HMCN1: variants seen among roughly 807,000 people sequenced by gnomAD.
HMCN1 encodes the protein hemicentin-1.
Under a neutral mutation model 625.9 loss-of-function variants are expected in HMCN1, and 321 were observed. The observed-to-expected ratio is 0.51, with a 90% CI of 0.47 to 0.56. HMCN1 has a LOEUF of 0.56. HMCN1 is among the 20% of genes least tolerant of loss of function. HMCN1 has a pLI of 0.00. For missense variants in HMCN1, 6,588 were observed against 6,887.3 expected, an observed-to-expected ratio of 0.96 and a Z score of 1.54; for synonymous variants, 2,425 against 2,417.6, an observed-to-expected ratio of 1.00 and a Z score of -0.09.
chr1:185,993,522 TA>T lies in HMCN1; in HGVS notation c.3505+216del, dbSNP rs529977817. On this transcript the variant is annotated intron_variant, in intron 23 of 106. Coordinates refer to ENST00000271588, the MANE Select transcript of HMCN1 (RefSeq NM_031935.3). ...ATCTTCTGTTTCTTCCTTTATCAAA[TA>T]AACTATGTTAAATTTTTGGATCTCA... The T allele has an allele frequency of 4.5e-4, 224 of 497,544 alleles. No individual in the cohort carries two copies. The East Asian group carries it at 7.3e-3, about 16-fold the overall frequency. 30.8% of individuals were successfully genotyped at this position (497,544 alleles called of 1,614,324 possible).
At position 186,055,490 on chromosome 1, in the gene HMCN1, A is replaced by C. The variant is rs1558181252; in HGVS notation, c.6960A>C (p.Pro2320=). 1.9e-6 allele frequency: 3 copies of C among 1,612,798 alleles called. No individual in the cohort carries two copies. The highest frequency in any genetic ancestry group is 2.5e-6 in the Non-Finnish European group (3 of 1,179,306). The change falls in exon 45 of 107, where the codon CCA becomes CCC. Residue 2320 remains proline (P), a synonymous_variant. Coordinates refer to ENST00000271588, the MANE Select transcript of HMCN1 (RefSeq NM_031935.3). The part of the protein sequence containing the change: ...ISLECEVQGI[P]PPTVTWMKDG... The stretch of plus-strand genomic sequence containing the variant: ...TGGAGTGTGAGGTGCAGGGTATTCC[A>C]CCACCAACAGTGACCTGGATGAAAG...
rs1553298967 is a variant in HMCN1 at position 186,114,902 on chromosome 1, ATGC to A, written c.11366_11368del (p.Ala3789del). The A allele has an allele frequency of 6.2e-7, 1 of 1,614,164 alleles. No homozygotes were observed. The highest frequency in any genetic ancestry group is 8.5e-7 in the Non-Finnish European group (1 of 1,179,990). On this transcript the variant is annotated inframe_deletion, in exon 74 of 107. Transcript: ENST00000271588. ...GGACGGTATTTGTGTATGGCCACCA[ATGC>A]TGCTGGAACAGATCGCAGGCGAATA...
At chr1:186,176,284 T>C (rs1329580180) in intron 103 of HMCN1, among the ~76,000 whole-genome samples, 1 of 152,372 alleles carries the variant, frequency 6.6e-6, no homozygotes, top group East Asian at 1.9e-4. Context: ...AAATTATTAA[T>C]TCAGAAAATA....
chr1:186,060,130 G>A (rs1252757964), intron 46 of HMCN1, among the ~76,000 whole-genome samples: 1 of 152,006 alleles, frequency 6.6e-6, no homozygotes, highest in African/African-American at 2.4e-5. Flanking sequence ...AGCTTTGTTT[G>A]TCTAAATAAG....
At chr1:185,994,431 CTTATA>C (rs1321348040) in intron 23 of HMCN1, among the ~76,000 whole-genome samples, 1 of 152,012 alleles carries the variant, frequency 6.6e-6, no homozygotes, top group Non-Finnish European at 1.5e-5. Flanking sequence ...CTTTTTGTCC[CTTATA>C]TTATAGAAAT....
At chr1:186,180,417 C>T (rs1407920018) in intron 104 of HMCN1, among the ~76,000 whole-genome samples, 1 of 152,142 alleles carries the variant, frequency 6.6e-6, no homozygotes, top group Non-Finnish European at 1.5e-5. Flanking sequence ...CCTTTACTTT[C>T]CTGCCCAAAA....
intron 6 of HMCN1, among the ~76,000 whole-genome samples, chr1:185,916,848 C>T (rs73062169): frequency 0.012 from 1,806 of 152,242 alleles, 30 homozygotes; most frequent in African/African-American, 0.042. Flanking sequence ...GGAACCCAAG[C>T]TGATGGAGGC....
intron 18 of HMCN1, among the ~76,000 whole-genome samples, chr1:185,983,473 T>C (rs1651799581): frequency 6.6e-6 from 1 of 152,156 alleles, no homozygotes; most frequent in Non-Finnish European, 1.5e-5. Flanking sequence ...TGACTCCATC[T>C]AAGAAAATGT....
chr1:185,954,057 G>A (rs1230600829), intron 11 of HMCN1, among the ~76,000 whole-genome samples: 1 of 151,380 alleles, frequency 6.6e-6, no homozygotes, highest in African/African-American at 2.4e-5. Flanking sequence ...GGCAAGGACC[G>A]GCCATTTACA....
chr1:185,959,430 C>T (rs1019820480), intron 11 of HMCN1, among the ~76,000 whole-genome samples: 25 of 151,950 alleles, frequency 1.6e-4, no homozygotes, highest in African/African-American at 6.0e-4. Context: ...TTAAGATACC[C>T]AATTCTTAAA....
At chr1:186,003,660 C>G in intron 28 of HMCN1, 58 bp from the exon 29 acceptor site, 1 of 1,572,302 alleles carries the variant, frequency 6.4e-7, no homozygotes, top group Non-Finnish European at 8.7e-7. Context: ...CTTTCTAACC[C>G]CATGCCTGCT....
intron 1 of HMCN1, among the ~76,000 whole-genome samples, chr1:185,844,253 A>T (rs1006319738): frequency 6.6e-6 from 1 of 152,174 alleles, no homozygotes; most frequent in Non-Finnish European, 1.5e-5. Context: ...GACATGGTTA[A>T]TGACGGTTCT....
At chr1:185,787,264 G>C (rs1211464603) in intron 1 of HMCN1, among the ~76,000 whole-genome samples, 1 of 152,130 alleles carries the variant, frequency 6.6e-6, no homozygotes, top group East Asian at 1.9e-4. Flanking sequence ...TATCAGGAAT[G>C]AGAAGAATTA....
chr1:186,085,565 T>G (rs1414933389), intron 57 of HMCN1, among the ~76,000 whole-genome samples: 1 of 152,112 alleles, frequency 6.6e-6, no homozygotes, highest in Non-Finnish European at 1.5e-5. Flanking sequence ...CACATGAATT[T>G]GCGGGGACAG....
chr1:186,157,439 C>G (rs1370401536), intron 97 of HMCN1, among the ~76,000 whole-genome samples: 1 of 152,136 alleles, frequency 6.6e-6, no homozygotes, highest in Non-Finnish European at 1.5e-5. Context: ...TAGTTGTATA[C>G]TCAAACATAT....
chr1:186,019,742 C>G, intron 35 of HMCN1, 47 bp downstream of exon 35: 2 of 1,482,926 alleles, frequency 1.3e-6, no homozygotes, highest in Non-Finnish European at 1.9e-6. Flanking sequence ...CTACATATAT[C>G]TTCCTGGAAA....
intron 95 of HMCN1, 41 bp from the exon 96 acceptor site, chr1:186,152,709 A>G (rs775193032): frequency 2.5e-6 from 4 of 1,612,648 alleles, no homozygotes; most frequent in Non-Finnish European, 3.4e-6. Flanking sequence ...TACAGAAACC[A>G]TATTTTTTTG....
At chr1:185,969,705 A>G (rs894771084) in intron 14 of HMCN1, among the ~76,000 whole-genome samples, 2 of 152,204 alleles carry the variant, frequency 1.3e-5, no homozygotes, top group Non-Finnish European at 2.9e-5. Context: ...AAAACAAACA[A>G]AAAAGATGTG....
At chr1:186,094,569 CA>C (rs1388093451) in intron 67 of HMCN1, among the ~76,000 whole-genome samples, 196 bp downstream of exon 67, 2 of 152,032 alleles carry the variant, frequency 1.3e-5, no homozygotes, top group Admixed American at 6.6e-5. Flanking sequence ...GTCTGTTTAT[CA>C]AAATACTGAT....
Sources: allele counts gnomAD v4.1 joint callset (sites outside exome capture counted in the v4.1 genomes callset), GRCh38; gene constraint gnomAD v4.1.1; transcripts MANE v1.5; gene names NCBI Gene and HGNC (gene_info 2026-07-23, HGNC 2026-07-21).